Variants in PLCL2 observed in about 807,000 individuals in gnomAD.
PLCL2 encodes the protein inactive phospholipase C-like protein 2.
A neutral mutation model predicts 79.6 loss-of-function variants in PLCL2; 4 were observed. That is an observed-to-expected ratio of 0.05 (90% confidence interval 0.02 to 0.11). The LOEUF is 0.11. Among genes scored for constraint, PLCL2 ranks in the 10% least tolerant of loss-of-function variants. The pLI is 1.00. For synonymous variants in PLCL2, 484 were observed against 457.7 expected, an observed-to-expected ratio of 1.06 and a Z score of -0.73; for missense variants, 895 against 1,291.0, an observed-to-expected ratio of 0.69 and a Z score of 4.70.
chr3:16,917,160 C>T (rs1697016634), intron 1 of PLCL2, among the ~76,000 whole-genome samples: 2 of 152,190 alleles, frequency 1.3e-5, no homozygotes, highest in Admixed American at 6.5e-5. Flanking sequence ...CACACATCCT[C>T]TGTGTAACAG....
chr3:17,024,128 C>A (rs1246410038), intron 3 of PLCL2, among the ~76,000 whole-genome samples: 1 of 152,130 alleles, frequency 6.6e-6, no homozygotes, highest in Non-Finnish European at 1.5e-5. Flanking sequence ...AGAACTAAGC[C>A]AGCTGGAAGG....
chr3:16,885,963 CAG>C, intron 1 of PLCL2, among the ~76,000 whole-genome samples: 1 of 152,280 alleles, frequency 6.6e-6, no homozygotes, highest in East Asian at 1.9e-4. Context: ...CTCAAAAGCT[CAG>C]AGATTACAGT....
At chr3:17,055,247 C>G (rs751736508) in intron 4 of PLCL2, among the ~76,000 whole-genome samples, 2 of 152,124 alleles carry the variant, frequency 1.3e-5, no homozygotes, top group Non-Finnish European at 2.9e-5. Context: ...GATATTGAAC[C>G]ACCACATCTT....
At chr3:17,064,630 A>G (rs1280905294) in intron 4 of PLCL2, among the ~76,000 whole-genome samples, 1 of 152,094 alleles carries the variant, frequency 6.6e-6, no homozygotes, top group Non-Finnish European at 1.5e-5. Flanking sequence ...CAATCAATAT[A>G]TGCTTCAAAT....
At chr3:17,048,097 T>C (rs1575603634) in intron 4 of PLCL2, among the ~76,000 whole-genome samples, 1 of 151,762 alleles carries the variant, frequency 6.6e-6, no homozygotes, top group Non-Finnish European at 1.5e-5. Flanking sequence ...TTTTTTTTTT[T>C]TCAAACTCCT....
At chr3:17,002,044 C>T (rs1448059119) in intron 1 of PLCL2, among the ~76,000 whole-genome samples, 3 of 151,976 alleles carry the variant, frequency 2.0e-5, no homozygotes, top group Admixed American at 6.6e-5. Context: ...CTATCATTTT[C>T]ATTGTAGAGA....
Position 17,007,667 on chromosome 3 carries a change from A to C in PLCL2, c.328-2007A>C, listed in dbSNP as rs1471731629. Among the ~76,000 whole-genome samples, 3 of 152,364 alleles carry C rather than the reference A, an allele frequency of 2.0e-5. No individual in the cohort carries two copies. The East Asian group carries it at 5.8e-4, about 29-fold the overall frequency. ...TTACCTTCTGCAAATTGCTTTTGGA[A>C]GTATAGGTAGTTAGAAAGTAAAAGT... On this transcript the variant is annotated intron_variant, in intron 1 of 5. Transcript: ENST00000615277.
chr3:16,912,998 C>A (rs1436592913), intron 1 of PLCL2, among the ~76,000 whole-genome samples: 1 of 152,150 alleles, frequency 6.6e-6, no homozygotes, highest in Non-Finnish European at 1.5e-5. Context: ...TTCTCCCTTT[C>A]CCCCAAATCC....
At chr3:16,989,389 G>A (rs980905885) in intron 1 of PLCL2, among the ~76,000 whole-genome samples, 5 of 152,008 alleles carry the variant, frequency 3.3e-5, no homozygotes, top group East Asian at 1.9e-4. Context: ...TGCTAGCCCC[G>A]CTTTGATTAT....
At chr3:16,947,234 G>C (rs2124956006) in intron 1 of PLCL2, among the ~76,000 whole-genome samples, 1 of 152,138 alleles carries the variant, frequency 6.6e-6, no homozygotes, top group South Asian at 2.1e-4. Context: ...ATAGGCGCGA[G>C]CCACCGCATC....
intron 1 of PLCL2, among the ~76,000 whole-genome samples, chr3:16,925,112 A>G (rs927385449): frequency 1.3e-5 from 2 of 151,852 alleles, no homozygotes; most frequent in Non-Finnish European, 2.9e-5. Flanking sequence ...TTTAGTAGAG[A>G]CAGGGTTTCA....
chr3:16,968,992 C>T (rs2063832527), intron 1 of PLCL2, among the ~76,000 whole-genome samples: 1 of 152,100 alleles, frequency 6.6e-6, no homozygotes, highest in African/African-American at 2.4e-5. Flanking sequence ...TTTTCTACAT[C>T]TAATGAGATG....
intron 4 of PLCL2, among the ~76,000 whole-genome samples, chr3:17,048,864 T>C (rs1346604635): frequency 6.6e-6 from 1 of 152,194 alleles, no homozygotes; most frequent in Non-Finnish European, 1.5e-5. Flanking sequence ...GGGACCTATA[T>C]GAAGTGCCAC....
rs1351904845 is a variant in PLCL2, at chr3:16,918,704, T to C, written c.327+33338T>C. 3.3e-5 allele frequency among the ~76,000 whole-genome samples: 5 copies of C among 152,204 alleles called. No homozygotes were observed. In the East Asian group the frequency reaches 9.6e-4, roughly 29 times the overall value. ...AAGGAAAAAGGCTAAGCCAGTATAA[T>C]GACCTGGGCAAGGACTTGACTTTGC... is the stretch of plus-strand genomic sequence containing the variant. On this transcript the variant is annotated intron_variant, in intron 1 of 5. Transcript: ENST00000615277.
chr3:17,044,825 A>G (rs2064764164), intron 4 of PLCL2, among the ~76,000 whole-genome samples: 1 of 152,202 alleles, frequency 6.6e-6, no homozygotes, highest in African/African-American at 2.4e-5. Flanking sequence ...TTTCAGTATA[A>G]TGTGGCTTTC....
Position 17,011,385 on chromosome 3 carries a change from T to C in PLCL2, c.2039T>C (p.Met680Thr), listed in dbSNP as rs1575585915. 2 of 1,614,112 alleles carry C rather than the reference T, an allele frequency of 1.2e-6. No individual in the cohort carries two copies. Among genetic ancestry groups the C allele is most frequent in the Non-Finnish European group, 1.7e-6 (2 of 1,179,936 alleles). Residue 680 changes from methionine (M) to threonine (T), a missense_variant, in exon 2 of 6, where the codon ATG becomes ACG. Around this residue, in one of 6 missense-constraint regions of PLCL2, gnomAD observed 242 missense variants for 399.5 expected, o/e 0.61. Transcript: ENST00000615277. This position sits in a 1 kb window ranked among gnomAD's most constrained non-coding sequence, Gnocchi z 7.9. ...CTTGCTAGGGTTTTTCCCAGTCCAA[T>C]GAGAATTGATTCCAGTAACATGAAT... Reference protein sequence around the residue: ...RFLARVFPSPMRIDSSNMNPQ... With the variant: ...RFLARVFPSPTRIDSSNMNPQ...
In PLCL2 at chr3:17,010,615, G is replaced by T; in HGVS notation, c.1269G>T (p.Lys423Asn). Residue 423 changes from lysine to asparagine, a missense_variant, in exon 2 of 6, where the codon AAG becomes AAT. Physicochemically the swap from Lys to Asn is moderately conservative, Grantham distance 94 (BLOSUM62 0). Transcript: ENST00000615277. This position sits in a 1 kb window ranked among gnomAD's most constrained non-coding sequence, Gnocchi z 5.8. The part of the protein sequence containing the change: ...DCYIFDPEHK[K>N]VCQDMKQPLS... Reference sequence around the variant, plus strand: ...ATATATTCGATCCAGAACATAAGAAGGTCTGTCAGGATATGAAGCAACCTC... The same window carrying T: ...ATATATTCGATCCAGAACATAAGAATGTCTGTCAGGATATGAAGCAACCTC... 6.2e-7 allele frequency: 1 copy of T among 1,614,000 alleles called. No homozygotes were observed.
At chr3:17,058,846 G>A (rs1170349268) in intron 4 of PLCL2, among the ~76,000 whole-genome samples, 1 of 152,084 alleles carries the variant, frequency 6.6e-6, no homozygotes, top group Non-Finnish European at 1.5e-5. Context: ...GGTATTTCAA[G>A]GAGATACCAT....
chr3:16,886,304 C>T lies in PLCL2; in HGVS notation c.327+938C>T, dbSNP rs781111664. ...AAGTTTGGAGCAAATGAAAACATTG[C>T]TTTCTGAAAATCAAGGAGTTATCAG... On this transcript the variant is annotated intron_variant, in intron 1 of 5. Transcript: ENST00000615277. This position sits in a 1 kb window ranked among gnomAD's most constrained non-coding sequence, Gnocchi z 4.2. Among the ~76,000 whole-genome samples, 1 of 152,188 alleles carries T rather than the reference C, an allele frequency of 6.6e-6. No individual in the cohort carries two copies. The highest frequency in any genetic ancestry group is 1.5e-5 in the Non-Finnish European group (1 of 68,034).
Sources: gnomAD v4.1 joint callset for allele counts (sites outside exome capture counted in the v4.1 genomes callset) on GRCh38, gnomAD v4.1.1 for gene constraint, gnomAD v4.1.1 regional missense constraint, Gnocchi (gnomAD v3.1) non-coding constraint, MANE v1.5 for transcripts, NCBI Gene and HGNC (gene_info 2026-07-23, HGNC 2026-07-21) for gene names.